CPA5: variants seen among roughly 807,000 people sequenced by gnomAD.
The protein encoded by CPA5 is testicular tissue protein Li 32.
CPA5 carries 38 observed loss-of-function variants against 52.2 expected under a neutral mutation model. That is an observed-to-expected ratio of 0.73 (90% CI 0.56 to 0.95). CPA5 has a LOEUF of 0.95. Ranked by LOEUF, CPA5 falls within the 40% of genes least tolerant of loss-of-function variation. The probability of loss-of-function intolerance (pLI) is 0.00; values close to 1 mark genes in which losing one functional copy is unlikely to be tolerated. For synonymous variants in CPA5, 198 were observed against 213.7 expected (o/e 0.93, Z 0.64); for missense variants, 519 against 566.7 (o/e 0.92, Z 0.86).
At chr7:130,373,605 G>A (rs554145348), downstream of CPA5, among the ~76,000 whole-genome samples, 3 of 152,338 alleles carry the variant, frequency 2.0e-5, no homozygotes, top group East Asian at 1.9e-4. Context: ...TTCACACCCC[G>A]ATCCTCCTCC....
chr7:130,353,533 C>T (rs950028498), intron 5 of CPA5, among the ~76,000 whole-genome samples: 2 of 152,176 alleles, frequency 1.3e-5, no homozygotes, highest in East Asian at 3.8e-4. Context: ...GGCCCTTCAT[C>T]GGTGCCTCCA....
chr7:130,364,957 G>A (rs551420736), intron 10 of CPA5, among the ~76,000 whole-genome samples: 1 of 152,336 alleles, frequency 6.6e-6, no homozygotes, highest in South Asian at 2.1e-4. Flanking sequence ...TCGGCCCCCA[G>A]ACATGGCATC....
intron 4 of CPA5, 115 bp downstream of exon 4, chr7:130,347,962 G>C: frequency 1.3e-6 from 1 of 758,574 alleles, no homozygotes; most frequent in East Asian, 2.7e-5. Flanking sequence ...TCCCTGCAAA[G>C]AGCACAGACC....
At chr7:130,363,617 A>G (rs17164847) in intron 10 of CPA5, 108 bp downstream of exon 10, 165,755 of 899,418 alleles carry the variant, frequency 0.18, 16,807 homozygotes, top group Non-Finnish European at 0.2. Flanking sequence ...GGCATGGGAC[A>G]ATGTAGTCAG....
intron 6 of CPA5, 36 bp from the exon 7 acceptor site, chr7:130,361,107 C>T: frequency 7.2e-7 from 1 of 1,380,928 alleles, no homozygotes; most frequent in East Asian, 2.3e-5. Flanking sequence ...CCTCTTCCTG[C>T]TTAACTGCCA....
intron 8 of CPA5, 100 bp from the exon 9 acceptor site, chr7:130,362,784 C>T: frequency 1.3e-6 from 1 of 742,830 alleles, no homozygotes; most frequent in South Asian, 1.7e-5. Context: ...TCAGGGGTTT[C>T]ATGCCATCCC....
Position 130,361,178 on chromosome 7 carries a change from T to C in CPA5, c.468T>C (p.His156=). 1 of 1,614,012 alleles carries C rather than the reference T, an allele frequency of 6.2e-7. No homozygotes were observed. The highest frequency in any genetic ancestry group is 8.5e-7 in the Non-Finnish European group (1 of 1,179,874). The change falls in exon 7 of 13, where the codon CAT becomes CAC. Residue 156 remains histidine (H), a synonymous_variant. Transcript: ENST00000474905. ...GGATTGACAACTTTGTAATGGAGCA[T>C]TCCGATATTGTCTCAAAAATTCAGA... ...YSWIDNFVME[H]SDIVSKIQIG...
rs782677802 is a variant in CPA5, at chr7:130,347,820, G to A, written c.171G>A (p.Gly57=). ...AKDEKQLSLL[G]DLEGLKPQKV... ...ATGAGAAGCAGCTTTCACTTCTCGGGGATCTGGAGGGCCTGAAACCCCAGA... is the reference window on the plus strand; with the variant it reads ...ATGAGAAGCAGCTTTCACTTCTCGGAGATCTGGAGGGCCTGAAACCCCAGA... The change falls in exon 4 of 13, where the codon GGG becomes GGA. Residue 57 remains glycine (G), a synonymous_variant. Transcript: ENST00000474905. 6.2e-7 allele frequency: 1 copy of A among 1,614,014 alleles called. No individual in the cohort carries two copies. Among genetic ancestry groups the A allele is most frequent in the Non-Finnish European group, 8.5e-7 (1 of 1,179,988 alleles).
Position 130,367,543 on chromosome 7 carries a change from TG to T in CPA5, c.1012del (p.Glu338SerfsTer95), listed in dbSNP as rs781822410. ...CTTATGTACCCTTACGGCCGATTGC[TG>T]GAGCCCGTTTCAAATCAGAGGGAGT... Reference protein sequence around the residue: ...QMLMYPYGRLLEPVSNQRELY... With the variant: ...QMLMYPYGRLXEPVSNQRELY... On this transcript the variant is annotated frameshift_variant, in exon 11 of 13. Transcript: ENST00000474905. LOFTEE classifies it high-confidence loss of function. The T allele has an allele frequency of 6.2e-7, 1 of 1,613,980 alleles. No individual in the cohort carries two copies. The highest frequency in any genetic ancestry group is 1.3e-5 in the African/African-American group (1 of 74,902).
chr7:130,365,195 C>T (rs1796011325), intron 10 of CPA5, among the ~76,000 whole-genome samples: 1 of 152,172 alleles, frequency 6.6e-6, no homozygotes, highest in Admixed American at 6.5e-5. Flanking sequence ...GTTGTAACTG[C>T]TTGTGTAATG....
downstream of CPA5, among the ~76,000 whole-genome samples, chr7:130,369,175 A>C (rs1796260306): frequency 6.6e-6 from 1 of 152,144 alleles, no homozygotes; most frequent in African/African-American, 2.4e-5. Flanking sequence ...GCTCCCCCCG[A>C]GGTGTCCTCA....
intron 7 of CPA5, among the ~76,000 whole-genome samples, chr7:130,361,821 G>C (rs1795805585): frequency 6.6e-6 from 1 of 152,232 alleles, no homozygotes; most frequent in African/African-American, 2.4e-5. Context: ...GCACCCGGGA[G>C]TGTGGACCCT....
intron 4 of CPA5, among the ~76,000 whole-genome samples, chr7:130,349,114 G>A (rs1222257211): frequency 6.6e-6 from 1 of 152,160 alleles, no homozygotes; most frequent in African/African-American, 2.4e-5. Context: ...TTAAGCTATT[G>A]TTTTTAATCT....
At chr7:130,362,339 C>T (rs1795833858) in intron 7 of CPA5, 99 bp from the exon 8 acceptor site, 1 of 764,896 alleles carries the variant, frequency 1.3e-6, no homozygotes, top group Non-Finnish European at 2.2e-6. Flanking sequence ...AAAGCTGCCC[C>T]AGGCACTGAG....
Position 130,347,817 on chromosome 7 carries a change from C to A in CPA5, c.168C>A (p.Leu56=). Residue 56 remains leucine, a synonymous_variant, in exon 4 of 13, where the codon CTC becomes CTA. Transcript: ENST00000474905. ...LAKDEKQLSL[L]GDLEGLKPQK... is the part of the protein sequence containing the mutation. ...AAGATGAGAAGCAGCTTTCACTTCT[C>A]GGGGATCTGGAGGGCCTGAAACCCC... The A allele has an allele frequency of 6.2e-7, 1 of 1,614,104 alleles. No individual in the cohort carries two copies. Among genetic ancestry groups the A allele is most frequent in the Non-Finnish European group, 8.5e-7 (1 of 1,180,002 alleles).
At chr7:130,362,778 G>T in intron 8 of CPA5, 106 bp from the exon 9 acceptor site, 1 of 711,342 alleles carries the variant, frequency 1.4e-6, no homozygotes, top group Admixed American at 2.3e-5. Flanking sequence ...TATACCTCAG[G>T]GGTTTCATGC....
chr7:130,355,077 AGAG>A (rs61268085), intron 5 of CPA5, among the ~76,000 whole-genome samples: 2,698 of 126,072 alleles, frequency 0.021, 86 homozygotes, highest in African/African-American at 0.073. Context: ...GGACAGAAGA[AGAG>A]GACCCAGGCC....
chr7:130,370,704 T>G (rs192119154), downstream of CPA5, among the ~76,000 whole-genome samples: 278 of 152,318 alleles, frequency 1.8e-3, 2 homozygotes, highest in East Asian at 0.012. Flanking sequence ...TTTGTCCAAG[T>G]GCAGCCGGTG....
chr7:130,351,348 C>T (rs1288907731), intron 5 of CPA5, among the ~76,000 whole-genome samples: 1 of 152,188 alleles, frequency 6.6e-6, no homozygotes, highest in Non-Finnish European at 1.5e-5. Flanking sequence ...GGGAACTCCG[C>T]AGCATTTGGC....
Sources: gnomAD v4.1 joint callset for allele counts (sites outside exome capture counted in the v4.1 genomes callset) on GRCh38, gnomAD v4.1.1 for gene constraint, MANE v1.5 for transcripts, NCBI Gene and HGNC (gene_info 2026-07-23, HGNC 2026-07-21) for gene names.